ANTXR1: variants seen among roughly 807,000 people sequenced by gnomAD.
The protein encoded by ANTXR1 is anthrax toxin receptor 1.
In ANTXR1, 19 loss-of-function variants were observed where a neutral mutation model predicts 78.1. The ratio of observed to expected loss-of-function variants is 0.24; its 90% CI spans 0.17 to 0.36. The LOEUF (loss-of-function observed/expected upper bound fraction) is 0.36, where lower values mean the gene tolerates loss of function less well. Ranked by LOEUF, ANTXR1 falls within the 10% of genes least tolerant of loss-of-function variation. The pLI is 1.00. For synonymous variants in ANTXR1, 273 were observed against 260.5 expected, an observed-to-expected ratio of 1.05 and a Z score of -0.46; for missense variants, 518 against 718.6, an observed-to-expected ratio of 0.72 and a Z score of 3.19.
intron 12 of ANTXR1, among the ~76,000 whole-genome samples, chr2:69,130,419 T>A (rs1419331458): frequency 6.6e-6 from 1 of 152,198 alleles, no homozygotes; most frequent in Non-Finnish European, 1.5e-5. Flanking sequence ...GCCATTTGAA[T>A]GAAACCTGAA....
chr2:69,202,612 G>A (rs923151138), intron 17 of ANTXR1, among the ~76,000 whole-genome samples: 1 of 152,210 alleles, frequency 6.6e-6, no homozygotes, highest in Non-Finnish European at 1.5e-5. Flanking sequence ...GAAGGGGTTG[G>A]AGGGCTTAGG....
intron 12 of ANTXR1, chr2:69,145,233 C>T: frequency 3.8e-6 from 5 of 1,315,184 alleles, no homozygotes; most frequent in African/African-American, 1.5e-5. Context: ...TTTAGGGACC[C>T]TCACTTGCAT....
intron 8 of ANTXR1, among the ~76,000 whole-genome samples, chr2:69,087,676 C>T (rs1366314587): frequency 6.6e-6 from 1 of 152,174 alleles, no homozygotes; most frequent in Non-Finnish European, 1.5e-5. Context: ...ATCAGCCTTA[C>T]CCTGTGTAAG....
At chr2:69,169,409 A>G (rs1043435609) in intron 13 of ANTXR1, among the ~76,000 whole-genome samples, 1 of 152,232 alleles carries the variant, frequency 6.6e-6, no homozygotes, top group African/African-American at 2.4e-5. Context: ...GCCATGTAAG[A>G]GACTCTAAAT....
At chr2:69,075,549 CACTGCTTCTCTTTCTA>C (rs1237944943) in intron 6 of ANTXR1, 25 bp from the exon 7 acceptor site, 1 of 1,597,776 alleles carries the variant, frequency 6.3e-7, no homozygotes, top group South Asian at 1.1e-5. Flanking sequence ...GTTCATTTGT[CACTGCTTCTCTTTCTA>C]ATGTCCTTTC....
chr2:69,047,617 G>A (rs1179331216), intron 3 of ANTXR1, among the ~76,000 whole-genome samples: 1 of 151,972 alleles, frequency 6.6e-6, no homozygotes, highest in African/African-American at 2.4e-5. Context: ...ACCATATTTG[G>A]GGAGTTTGCA....
chr2:69,158,716 C>A lies in ANTXR1; in HGVS notation c.1047+6452C>A, dbSNP rs1356238940. Among the ~76,000 whole-genome samples the A allele has an allele frequency of 2.0e-5, 3 of 152,202 alleles. No individual in the cohort carries two copies. The East Asian group carries it at 5.8e-4, about 29-fold the overall frequency. Reference sequence around the variant, plus strand: ...GATTATAAAATAGGCTTTGTGTTATCTATTTTGCCGAAGTTTAGACTGATG... The same window carrying A: ...GATTATAAAATAGGCTTTGTGTTATATATTTTGCCGAAGTTTAGACTGATG... On this transcript the variant is annotated intron_variant, in intron 13 of 17. Transcript: ENST00000303714.
At chr2:69,027,637 T>TGA (rs1324962996) in intron 1 of ANTXR1, among the ~76,000 whole-genome samples, 2 of 139,824 alleles carry the variant, frequency 1.4e-5, no homozygotes, top group Non-Finnish European at 3.0e-5. Context: ...TGTGTGTGTG[T>TGA]GTATGTGTGT....
At chr2:69,122,876 T>C in intron 10 of ANTXR1, 141 bp from the exon 11 acceptor site, 1 of 848,766 alleles carries the variant, frequency 1.2e-6, no homozygotes, top group Non-Finnish European at 2.0e-6. Context: ...TAGTTTGCTG[T>C]ACAGCTTAAG....
intron 12 of ANTXR1, among the ~76,000 whole-genome samples, chr2:69,142,625 A>C: frequency 6.6e-6 from 1 of 152,218 alleles, no homozygotes; most frequent in Non-Finnish European, 1.5e-5. Context: ...GAGAGGGCCT[A>C]GCACATGGTA....
At chr2:69,119,175 G>A (rs916988004) in intron 10 of ANTXR1, among the ~76,000 whole-genome samples, 1 of 152,198 alleles carries the variant, frequency 6.6e-6, no homozygotes, top group Non-Finnish European at 1.5e-5. Flanking sequence ...AAGGAGAGAG[G>A]AGTTGTCCAG....
chr2:69,240,447 T>C (rs1028557801), intron 17 of ANTXR1, among the ~76,000 whole-genome samples: 3 of 152,198 alleles, frequency 2.0e-5, no homozygotes, highest in Non-Finnish European at 2.9e-5. Flanking sequence ...AAGACATCAA[T>C]TGAAAGCCAT....
At chr2:69,134,323 A>T (rs1672850392) in intron 12 of ANTXR1, among the ~76,000 whole-genome samples, 1 of 152,208 alleles carries the variant, frequency 6.6e-6, no homozygotes, top group South Asian at 2.1e-4. Context: ...GCTGAAACAC[A>T]TGCAGCTATA....
chr2:69,148,954 G>A (rs911469032), intron 12 of ANTXR1, among the ~76,000 whole-genome samples: 46 of 152,146 alleles, frequency 3.0e-4, no homozygotes, highest in Admixed American at 2.9e-3. Context: ...CTCAATAAAC[G>A]TTTGCTGAAT....
intron 10 of ANTXR1, among the ~76,000 whole-genome samples, chr2:69,114,300 T>A (rs1170018936): frequency 1.3e-5 from 2 of 152,222 alleles, no homozygotes; most frequent in Non-Finnish European, 2.9e-5. Flanking sequence ...TATGGGTAGA[T>A]AATAATTTAC....
At chr2:69,041,849 G>A (rs1395646637) in intron 2 of ANTXR1, among the ~76,000 whole-genome samples, 3 of 152,148 alleles carry the variant, frequency 2.0e-5, no homozygotes, top group Non-Finnish European at 2.9e-5. Context: ...ATCCAGACAA[G>A]GCACCCTTCT....
At chr2:69,135,513 A>G (rs895765533) in intron 12 of ANTXR1, among the ~76,000 whole-genome samples, 1 of 152,198 alleles carries the variant, frequency 6.6e-6, no homozygotes, top group African/African-American at 2.4e-5. Flanking sequence ...TCAATAAAAC[A>G]TAAGGACACA....
chr2:69,199,441 G>A (rs190444392), intron 17 of ANTXR1, among the ~76,000 whole-genome samples: 2 of 152,212 alleles, frequency 1.3e-5, no homozygotes, highest in African/African-American at 2.4e-5. Context: ...TTTCTCCATA[G>A]AGCACCTATT....
chr2:69,203,931 G>T (rs1674834350), intron 17 of ANTXR1, among the ~76,000 whole-genome samples: 1 of 152,146 alleles, frequency 6.6e-6, no homozygotes, highest in Non-Finnish European at 1.5e-5. Context: ...GACAGGGATG[G>T]GAATAAAGCA....
Sources: allele counts gnomAD v4.1 joint callset (sites outside exome capture counted in the v4.1 genomes callset), GRCh38; gene constraint gnomAD v4.1.1; transcripts MANE v1.5; gene names NCBI Gene and HGNC (gene_info 2026-07-23, HGNC 2026-07-21).